NBAS: variants seen among roughly 807,000 people sequenced by gnomAD.
NBAS encodes NBAS subunit of NRZ tethering complex, also known as NAG/BC035112 fusion.
A neutral mutation model predicts 302.5 loss-of-function variants in NBAS; 219 were observed. The observed-to-expected ratio is 0.72, with a 90% CI of 0.65 to 0.81. The LOEUF (loss-of-function observed/expected upper bound fraction) is 0.81. Ranked by LOEUF, NBAS falls within the 30% of genes least tolerant of loss-of-function variation. The pLI, the probability that NBAS is intolerant of heterozygous loss-of-function variation, is 0.00. For missense variants in NBAS, 2,932 were observed against 2,841.6 expected (o/e 1.03, Z -0.72); for synonymous variants, 1,118 against 1,021.6 (o/e 1.09, Z -1.80).
At chr2:15,441,149 C>A (rs886559843) in intron 21 of NBAS, among the ~76,000 whole-genome samples, 3 of 152,088 alleles carry the variant, frequency 2.0e-5, no homozygotes, top group Non-Finnish European at 2.9e-5. Flanking sequence ...TCAGGAAATA[C>A]AGAGAATGCC....
rs1467002132 is a variant in NBAS at position 15,542,233 on chromosome 2, C to T, written c.380-2877G>A. Among the ~76,000 whole-genome samples, 13 of 87,646 alleles carry T rather than the reference C, an allele frequency of 1.5e-4. 3 individuals carry two copies. Among genetic ancestry groups the T allele is most frequent in the African/African-American group, 5.5e-4 (13 of 23,798 alleles). The allele number at this position is 87,646 out of a possible 152,430, so 57.5% of individuals were successfully genotyped here. On this transcript the variant is annotated intron_variant, in intron 6 of 51. Transcript: ENST00000281513. ...TTGAGAAATCGGATGGTTGCCGTGT[C>T]TGTGTAGAAAGAAGTAGACATGGGA...
chr2:15,410,782 G>C (rs984069774), intron 25 of NBAS, among the ~76,000 whole-genome samples: 1 of 151,874 alleles, frequency 6.6e-6, no homozygotes, highest in Non-Finnish European at 1.5e-5. Flanking sequence ...ATTCCATGCG[G>C]GCATCTAAAA....
chr2:15,251,148 T>C (rs2147986366), intron 44 of NBAS, among the ~76,000 whole-genome samples: 1 of 152,314 alleles, frequency 6.6e-6, no homozygotes, highest in East Asian at 1.9e-4. Flanking sequence ...ATGAGTCATG[T>C]CCTTTGCAGG....
At chr2:15,318,382 A>C (rs924336396) in intron 38 of NBAS, among the ~76,000 whole-genome samples, 1 of 152,226 alleles carries the variant, frequency 6.6e-6, no homozygotes, top group Non-Finnish European at 1.5e-5. Flanking sequence ...ACAGGATCAA[A>C]TTCACACATT....
At chr2:15,285,214 G>A (rs1046534303) in intron 42 of NBAS, among the ~76,000 whole-genome samples, 2 of 152,096 alleles carry the variant, frequency 1.3e-5, no homozygotes, top group Non-Finnish European at 2.9e-5. Flanking sequence ...AAAAGGAAAT[G>A]TTAAAATTTC....
intron 48 of NBAS, among the ~76,000 whole-genome samples, chr2:15,214,900 C>A (rs1284860024): frequency 6.6e-6 from 1 of 152,080 alleles, no homozygotes; most frequent in Admixed American, 6.6e-5. Context: ...TTTTGGTGAT[C>A]GCCTACAACC....
the NBAS span, among the ~76,000 whole-genome samples, chr2:14,854,843 C>T: frequency 6.6e-6 from 1 of 152,154 alleles, no homozygotes; most frequent in Admixed American, 6.5e-5. Flanking sequence ...GCAGTCTAGA[C>T]TATAAGGACT....
chr2:15,475,710 C>G lies in NBAS; in HGVS notation c.1318G>C (p.Asp440His). 1 of 1,614,094 alleles carries G rather than the reference C, an allele frequency of 6.2e-7. No homozygotes were observed. The highest frequency in any genetic ancestry group is 8.5e-7 in the Non-Finnish European group (1 of 1,179,978). Residue 440 changes from aspartate (D) to histidine (H), a missense_variant, in exon 14 of 52, where the codon GAT (aspartate) becomes CAT (histidine). Asp to His is a moderately conservative substitution (Grantham distance 81). Coordinates refer to ENST00000281513, the MANE Select transcript of NBAS (RefSeq NM_015909.4). ...EPSPQVTATH[D>H]GGFLSLECEI... is the part of the protein sequence containing the mutation. ...ACCTCCAAACTTAAAAATCCCCCAT[C>G]ATGGGTAGCAGTGACTTGAGGTGAT...
the NBAS span, among the ~76,000 whole-genome samples, chr2:15,025,416 TC>T: frequency 6.6e-6 from 1 of 152,232 alleles, no homozygotes; most frequent in African/African-American, 2.4e-5. Context: ...CCAGCTTTGT[TC>T]CTTTTGCTTA....
chr2:15,192,683 A>C (rs1665419253), intron 48 of NBAS, among the ~76,000 whole-genome samples: 2 of 152,180 alleles, frequency 1.3e-5, no homozygotes, highest in African/African-American at 4.8e-5. Context: ...TTCTTCCTGC[A>C]GGATAATCTC....
At chr2:14,914,826 T>C in the NBAS span, among the ~76,000 whole-genome samples, 1 of 152,166 alleles carries the variant, frequency 6.6e-6, no homozygotes, top group Non-Finnish European at 1.5e-5. Context: ...TGTGTTTATA[T>C]TGGGCACAGG....
the NBAS span, among the ~76,000 whole-genome samples, chr2:14,935,259 C>T: frequency 6.6e-5 from 10 of 152,074 alleles, no homozygotes; most frequent in African/African-American, 2.4e-4. Flanking sequence ...TCTCTGTGAT[C>T]GGTTTTTAGT....
the NBAS span, among the ~76,000 whole-genome samples, chr2:15,105,728 C>T: frequency 6.6e-6 from 1 of 152,108 alleles, no homozygotes; most frequent in Non-Finnish European, 1.5e-5. Flanking sequence ...AACCACAATT[C>T]TCTAAGAGTG....
At chr2:15,495,589 T>C (rs1380041577) in intron 11 of NBAS, among the ~76,000 whole-genome samples, 8 of 152,058 alleles carry the variant, frequency 5.3e-5, no homozygotes, top group African/African-American at 1.9e-4. Context: ...AAAGTATAAA[T>C]AAACAGATAA....
intron 9 of NBAS, among the ~76,000 whole-genome samples, chr2:15,532,488 C>CA (rs896529713): frequency 0.046 from 2,165 of 46,700 alleles, 55 homozygotes; most frequent in Non-Finnish European, 0.09. Context: ...GACTCCATCT[C>CA]AAAAAAAAAA....
intron 41 of NBAS, among the ~76,000 whole-genome samples, chr2:15,290,351 T>C (rs1670253679): frequency 6.6e-6 from 1 of 152,220 alleles, no homozygotes; most frequent in Non-Finnish European, 1.5e-5. Flanking sequence ...CTGTATATTT[T>C]TCTAAGTAAC....
At chr2:15,308,180 C>A in intron 40 of NBAS, 36 bp downstream of exon 40, 1 of 1,613,888 alleles carries the variant, frequency 6.2e-7, no homozygotes, top group Non-Finnish European at 8.5e-7. Flanking sequence ...AGGCTTAACT[C>A]TGCTCAATAA....
chr2:15,265,806 T>C (rs147381305), intron 44 of NBAS, among the ~76,000 whole-genome samples: 2 of 152,052 alleles, frequency 1.3e-5, no homozygotes, highest in African/African-American at 2.4e-5. Context: ...GAAATCTGCA[T>C]AAAGATAAAA....
chr2:15,467,455 T>A, intron 18 of NBAS, 48 bp from the exon 19 acceptor site: 1 of 1,479,674 alleles, frequency 6.8e-7, no homozygotes, highest in Non-Finnish European at 9.5e-7. Context: ...ACAGAATTAT[T>A]TCTCTAGGAG....
Sources: gnomAD v4.1 joint callset for allele counts (sites outside exome capture counted in the v4.1 genomes callset) on GRCh38, gnomAD v4.1.1 for gene constraint, MANE v1.5 for transcripts, NCBI Gene and HGNC (gene_info 2026-07-23, HGNC 2026-07-21) for gene names.